Variants in LRMDA observed in about 807,000 individuals in gnomAD.
LRMDA encodes leucine rich melanocyte differentiation associated, also known as leucine-rich melanocyte differentiation-associated protein.
A neutral mutation model predicts 29.8 loss-of-function variants in LRMDA; 18 were observed. That is an observed-to-expected ratio of 0.60 (90% CI 0.42 to 0.90). The LOEUF (loss-of-function observed/expected upper bound fraction) is 0.90. Ranked by LOEUF, LRMDA falls within the 40% of genes least tolerant of loss-of-function variation. The pLI is 0.00. For synonymous variants in LRMDA, 125 were observed against 109.4 expected, an observed-to-expected ratio of 1.14 and a Z score of -0.89; for missense variants, 273 against 273.9, an observed-to-expected ratio of 1.00 and a Z score of 0.02.
intron 5 of LRMDA, among the ~76,000 whole-genome samples, chr10:76,149,356 G>A (rs911588684): frequency 3.9e-5 from 6 of 152,216 alleles, no homozygotes; most frequent in African/African-American, 1.4e-4. Context: ...GAGAGTCAGT[G>A]CCTGGTCCTA....
chr10:75,935,293 A>C (rs896141356), intron 2 of LRMDA, among the ~76,000 whole-genome samples: 18 of 152,234 alleles, frequency 1.2e-4, no homozygotes, highest in South Asian at 2.1e-4. Flanking sequence ...CCCCCGGATG[A>C]ACAATGATTG....
chr10:76,092,339 AT>A (rs1292019808), intron 5 of LRMDA, among the ~76,000 whole-genome samples: 2 of 152,226 alleles, frequency 1.3e-5, no homozygotes, highest in Non-Finnish European at 2.9e-5. Context: ...CGGTGCTTAG[AT>A]CCTAATTACA....
intron 2 of LRMDA, among the ~76,000 whole-genome samples, chr10:75,578,857 T>C (rs1840547556): frequency 6.6e-6 from 1 of 151,286 alleles, no homozygotes; most frequent in South Asian, 2.1e-4. Flanking sequence ...AAGATGTTCT[T>C]TGAAACCAAT....
chr10:76,019,513 T>C (rs60221413), intron 2 of LRMDA, among the ~76,000 whole-genome samples: 19,764 of 152,112 alleles, frequency 0.13, 1,708 homozygotes, highest in South Asian at 0.21. Context: ...ACAAAACTAT[T>C]GTGTTAACAA....
At chr10:76,274,228 G>A (rs1336607499) in intron 5 of LRMDA, among the ~76,000 whole-genome samples, 1 of 152,116 alleles carries the variant, frequency 6.6e-6, no homozygotes, top group Non-Finnish European at 1.5e-5. Context: ...AAGTATACTT[G>A]CCCATATTTC....
intron 2 of LRMDA, among the ~76,000 whole-genome samples, chr10:75,589,362 G>A (rs752234510): frequency 6.6e-6 from 1 of 152,140 alleles, no homozygotes; most frequent in Non-Finnish European, 1.5e-5. Context: ...ATGAGATTAA[G>A]TATTCTATTA....
intron 2 of LRMDA, among the ~76,000 whole-genome samples, chr10:75,519,246 C>G (rs1783654063): frequency 6.6e-6 from 1 of 152,126 alleles, no homozygotes; most frequent in Non-Finnish European, 1.5e-5. Flanking sequence ...GAGTTCATGT[C>G]CTGGATATCC....
intron 5 of LRMDA, among the ~76,000 whole-genome samples, chr10:76,241,348 G>GA (rs1852274430): frequency 6.6e-6 from 1 of 152,148 alleles, no homozygotes; most frequent in Non-Finnish European, 1.5e-5. Context: ...TCCATTGTAA[G>GA]GTTCCCAACC....
chr10:75,855,575 C>G (rs1338354935), intron 2 of LRMDA, among the ~76,000 whole-genome samples: 1 of 152,160 alleles, frequency 6.6e-6, no homozygotes, highest in Non-Finnish European at 1.5e-5. Flanking sequence ...TTAATTAGAT[C>G]CCATCTGTCA....
chr10:75,484,363 C>T (rs987910342), intron 2 of LRMDA, among the ~76,000 whole-genome samples: 2 of 152,070 alleles, frequency 1.3e-5, no homozygotes, highest in African/African-American at 4.8e-5. Flanking sequence ...GATATCACTA[C>T]TTAGCTGTGA....
At chr10:75,496,810 C>T (rs1440582887) in intron 2 of LRMDA, among the ~76,000 whole-genome samples, 1 of 152,026 alleles carries the variant, frequency 6.6e-6, no homozygotes, top group Non-Finnish European at 1.5e-5. Context: ...ACCCACTTCT[C>T]AGAAAAATGC....
intron 2 of LRMDA, among the ~76,000 whole-genome samples, chr10:75,750,525 G>C (rs1045259005): frequency 1.4e-5 from 2 of 141,788 alleles, no homozygotes; most frequent in African/African-American, 2.7e-5. Flanking sequence ...CCCAGATGGG[G>C]CGGCGGGGCA....
intron 2 of LRMDA, among the ~76,000 whole-genome samples, chr10:75,898,373 A>G (rs190947327): frequency 1.3e-5 from 2 of 152,374 alleles, no homozygotes; most frequent in East Asian, 1.9e-4. Context: ...AGAGGACACA[A>G]GACAGATTTC....
At position 75,440,734 on chromosome 10, in the gene LRMDA, T is replaced by C. The variant is rs374811356; in HGVS notation, c.131+2240T>C. On this transcript the variant is annotated intron_variant, in intron 2 of 6. Transcript: ENST00000611255. ...GTTTTAGATGCTTAGCTAATTCCTC[T>C]TAAAAAAAGAATAAGCAGAGGCCGG... is the stretch of plus-strand genomic sequence containing the variant. Among the ~76,000 whole-genome samples, 19 of 152,232 alleles carry C rather than the reference T, an allele frequency of 1.2e-4. No individual in the cohort carries two copies. In the South Asian group the frequency reaches 3.5e-3, roughly 28 times the overall value.
chr10:76,043,407 T>C (rs1848373055), intron 3 of LRMDA, among the ~76,000 whole-genome samples: 1 of 152,206 alleles, frequency 6.6e-6, no homozygotes. Flanking sequence ...AATTAAATGT[T>C]ACTCCTACAC....
At chr10:76,169,287 A>G (rs190019835) in intron 5 of LRMDA, among the ~76,000 whole-genome samples, 2 of 152,326 alleles carry the variant, frequency 1.3e-5, no homozygotes, top group African/African-American at 4.8e-5. Flanking sequence ...GGGAATATTG[A>G]CATTTTTGTC....
At chr10:76,061,554 G>T (rs1564642526) in intron 5 of LRMDA, among the ~76,000 whole-genome samples, 1 of 152,160 alleles carries the variant, frequency 6.6e-6, no homozygotes, top group African/African-American at 2.4e-5. Flanking sequence ...AATTATTTGA[G>T]GAGAGAGACT....
At chr10:75,700,660 C>T (rs796387779) in intron 2 of LRMDA, among the ~76,000 whole-genome samples, 5 of 152,094 alleles carry the variant, frequency 3.3e-5, no homozygotes, top group East Asian at 3.9e-4. Flanking sequence ...GGTACATGAG[C>T]GAGCAAGTTT....
rs552652573 is a variant in LRMDA at position 75,659,262 on chromosome 10, G to A, written c.131+220768G>A. Reference sequence around the variant, plus strand: ...TTACGTTACTTTCTTCATCAAGGTTGGCAAGTGTCTTTCCAGTTTTTGCTT... The same window carrying A: ...TTACGTTACTTTCTTCATCAAGGTTAGCAAGTGTCTTTCCAGTTTTTGCTT... On this transcript the variant is annotated intron_variant, in intron 2 of 6. Transcript: ENST00000611255. Among the ~76,000 whole-genome samples the A allele has an allele frequency of 5.0e-4, 76 of 152,270 alleles. 1 individual carries two copies. The South Asian group carries it at 0.015, about 31-fold the overall frequency.
Sources: gnomAD v4.1 joint callset for allele counts (sites outside exome capture counted in the v4.1 genomes callset) on GRCh38, gnomAD v4.1.1 for gene constraint, MANE v1.5 for transcripts, NCBI Gene and HGNC (gene_info 2026-07-23, HGNC 2026-07-21) for gene names.